GALNTL6: variants seen among roughly 807,000 people sequenced by gnomAD.
The protein encoded by GALNTL6 is polypeptide N-acetylgalactosaminyltransferase-like 6.
In GALNTL6, 46 loss-of-function variants were observed where a neutral mutation model predicts 73.7. The ratio of observed to expected loss-of-function variants is 0.62; its 90% confidence interval spans 0.49 to 0.80. GALNTL6 has a LOEUF of 0.80. Ranked by LOEUF, GALNTL6 falls within the 30% of genes least tolerant of loss-of-function variation. GALNTL6 has a pLI of 0.00. For synonymous variants in GALNTL6, 259 were observed against 263.7 expected, an observed-to-expected ratio of 0.98 and a Z score of 0.17; for missense variants, 604 against 755.0, an observed-to-expected ratio of 0.80 and a Z score of 2.34.
chr4:172,584,483 C>T (rs552276423), intron 5 of GALNTL6, among the ~76,000 whole-genome samples: 1 of 152,204 alleles, frequency 6.6e-6, no homozygotes, highest in Admixed American at 6.5e-5. Context: ...CAATGAGAGA[C>T]ACTAAGGACT....
intron 2 of GALNTL6, among the ~76,000 whole-genome samples, chr4:172,131,479 G>GTATA (rs34442141): frequency 9.1e-5 from 13 of 142,830 alleles, no homozygotes; most frequent in African/African-American, 1.8e-4. Context: ...ATGTATACAT[G>GTATA]TATATATATA....
chr4:172,432,768 A>G (rs1428010132), intron 5 of GALNTL6, among the ~76,000 whole-genome samples: 1 of 152,070 alleles, frequency 6.6e-6, no homozygotes, highest in Non-Finnish European at 1.5e-5. Flanking sequence ...TGACAAGTAA[A>G]TTTGACTTAA....
At chr4:172,868,998 T>C (rs1344314909) in intron 7 of GALNTL6, among the ~76,000 whole-genome samples, 1 of 152,198 alleles carries the variant, frequency 6.6e-6, no homozygotes, top group Non-Finnish European at 1.5e-5. Flanking sequence ...GACAACCTGC[T>C]AATGTGTAGT....
rs1401203358 is a variant in GALNTL6, at chr4:172,035,893, C to T, written c.139-193763C>T. On this transcript the variant is annotated intron_variant, in intron 2 of 12. Transcript: ENST00000506823. ...ACACATATAAAATCATGTAGTCATT[C>T]GCATATGCATTCTACTTGAAATGTA... 4.6e-5 allele frequency among the ~76,000 whole-genome samples: 7 copies of T among 152,036 alleles called. No individual in the cohort carries two copies. In the South Asian group the frequency reaches 6.2e-4, roughly 13 times the overall value.
At chr4:172,830,882 G>A (rs377410709) in intron 7 of GALNTL6, among the ~76,000 whole-genome samples, 31 of 152,238 alleles carry the variant, frequency 2.0e-4, no homozygotes, top group Middle Eastern at 3.4e-3. Context: ...ACAATCAGGC[G>A]GGAGCAGTAG....
chr4:172,524,270 A>G (rs546749973), intron 5 of GALNTL6, among the ~76,000 whole-genome samples: 2 of 149,670 alleles, frequency 1.3e-5, no homozygotes, highest in Admixed American at 6.6e-5. Flanking sequence ...TATTTTTGAG[A>G]CAGAGTCTCA....
Position 172,874,151 on chromosome 4 carries a change from C to T in GALNTL6, c.924-8639C>T, listed in dbSNP as rs568495788. ...CCAAGAAGAAAGGCTCTCCACTCTC[C>T]GCTGGGTATTTTCAGCTTTTAACAG... is the stretch of plus-strand genomic sequence containing the variant. On this transcript the variant is annotated intron_variant, in intron 7 of 12. Coordinates refer to ENST00000506823, the MANE Select transcript of GALNTL6 (RefSeq NM_001034845.3). 5.3e-5 allele frequency among the ~76,000 whole-genome samples: 8 copies of T among 152,284 alleles called. No homozygotes were observed. The South Asian group carries it at 1.7e-3, about 32-fold the overall frequency.
intron 5 of GALNTL6, among the ~76,000 whole-genome samples, chr4:172,656,139 T>C (rs958959689): frequency 2.6e-5 from 4 of 152,174 alleles, no homozygotes; most frequent in Admixed American, 2.6e-4. Flanking sequence ...GAAAGTCACG[T>C]GGCAAGGAGA....
intron 3 of GALNTL6, among the ~76,000 whole-genome samples, chr4:172,295,627 TATTC>T (rs1739646985): frequency 6.6e-6 from 1 of 150,426 alleles, no homozygotes; most frequent in East Asian, 2.0e-4. Flanking sequence ...GCTATGTTCT[TATTC>T]ATTAATACTG....
chr4:171,956,281 C>T (rs979956055), intron 2 of GALNTL6, among the ~76,000 whole-genome samples: 2 of 152,174 alleles, frequency 1.3e-5, no homozygotes, highest in African/African-American at 4.8e-5. Flanking sequence ...GCAGGGATTA[C>T]AGGTGTGATC....
chr4:171,845,646 G>C (rs1735349662), intron 2 of GALNTL6, among the ~76,000 whole-genome samples: 1 of 152,076 alleles, frequency 6.6e-6, no homozygotes, highest in Non-Finnish European at 1.5e-5. Flanking sequence ...CAGCCAGTGG[G>C]ATACAAAGAA....
chr4:172,315,714 G>C (rs1740519841), intron 4 of GALNTL6, among the ~76,000 whole-genome samples: 1 of 151,720 alleles, frequency 6.6e-6, no homozygotes, highest in African/African-American at 2.4e-5. Flanking sequence ...ATGCAATGTT[G>C]AAAAGAATTT....
chr4:171,941,323 A>G (rs988649476), intron 2 of GALNTL6, among the ~76,000 whole-genome samples: 1 of 152,230 alleles, frequency 6.6e-6, no homozygotes, highest in Non-Finnish European at 1.5e-5. Flanking sequence ...ATTTGAAAAA[A>G]AAGAAAAATT....
intron 5 of GALNTL6, among the ~76,000 whole-genome samples, chr4:172,367,745 C>G (rs1180788117): frequency 6.6e-6 from 1 of 152,086 alleles, no homozygotes; most frequent in Non-Finnish European, 1.5e-5. Context: ...TGTACATCTA[C>G]AAATAAAATA....
At chr4:171,853,003 G>A (rs1223177008) in intron 2 of GALNTL6, among the ~76,000 whole-genome samples, 182 of 139,646 alleles carry the variant, frequency 1.3e-3, no homozygotes, top group African/African-American at 4.3e-3. Flanking sequence ...CCGCCACCAC[G>A]CCCGGCTAAT....
At chr4:172,214,543 T>G (rs1436295020) in intron 2 of GALNTL6, among the ~76,000 whole-genome samples, 14 of 145,280 alleles carry the variant, frequency 9.6e-5, no homozygotes, top group Non-Finnish European at 1.6e-4. Context: ...TGAGACAGAG[T>G]CTCCTCTGTC....
intron 7 of GALNTL6, among the ~76,000 whole-genome samples, chr4:172,860,767 C>A (rs796462292): frequency 1.3e-5 from 2 of 152,210 alleles, no homozygotes; most frequent in East Asian, 3.9e-4. Flanking sequence ...GCAGCTAAAA[C>A]CAAATCACAT....
chr4:172,156,540 A>ATAGT (rs58197299), intron 2 of GALNTL6, among the ~76,000 whole-genome samples: 1 of 125,186 alleles, frequency 8.0e-6, no homozygotes, highest in Non-Finnish European at 1.6e-5. Flanking sequence ...ATATATATAT[A>ATAGT]ATATATATAT....
At chr4:172,843,949 T>C (rs1319838947) in intron 7 of GALNTL6, among the ~76,000 whole-genome samples, 1 of 151,924 alleles carries the variant, frequency 6.6e-6, no homozygotes, top group Non-Finnish European at 1.5e-5. Flanking sequence ...ACTCCAGCTA[T>C]TTGGGAGGCT....
Sources: gnomAD v4.1 joint callset for allele counts (sites outside exome capture counted in the v4.1 genomes callset) on GRCh38, gnomAD v4.1.1 for gene constraint, MANE v1.5 for transcripts, NCBI Gene and HGNC (gene_info 2026-07-23, HGNC 2026-07-21) for gene names.